Variants in WHAMM observed in about 807,000 individuals in gnomAD.
WHAMM encodes the protein WASP homolog-associated protein with actin, membranes and microtubules.
In WHAMM, 67 loss-of-function variants were observed where a neutral mutation model predicts 76.5. That is an observed-to-expected ratio of 0.88 (90% CI 0.72 to 1.07). The LOEUF (loss-of-function observed/expected upper bound fraction) is 1.07. Among genes scored for constraint, WHAMM ranks in the 50% least tolerant of loss-of-function variants. The pLI, the probability that WHAMM is intolerant of heterozygous loss-of-function variation, is 0.00. For missense variants in WHAMM, 1,021 were observed against 1,051.1 expected (o/e 0.97, Z 0.40); for synonymous variants, 419 against 422.1 (o/e 0.99, Z 0.09).
At chr15:82,812,455 C>T (rs1043042129) in intron 1 of WHAMM, among the ~76,000 whole-genome samples, 1 of 152,168 alleles carries the variant, frequency 6.6e-6, no homozygotes. Context: ...GTCTCGATCT[C>T]CTGACCTCGT....
In WHAMM at chr15:82,824,162, C is replaced by CTTTTTTTTTTTTTTTTTTTTTTTTT. The variant is rs71156055; in HGVS notation, c.1458+888_1458+889insTTTTTTTTTTTTTTTTTTTTTTTTT. ...TACTCATATTTACTATACTTTTCTC[C>CTTTTTTTTTTTTTTTTTTTTTTTTT]TTTTTTTTTTTTTGAAACAGAGTCT... On this transcript the variant is annotated intron_variant, in intron 6 of 9. Transcript: ENST00000286760. Among the ~76,000 whole-genome samples, 10 of 118,076 alleles carry CTTTTTTTTTTTTTTTTTTTTTTTTT rather than the reference C, an allele frequency of 8.5e-5. 1 individual carries two copies. The highest frequency in any genetic ancestry group is 1.2e-4 in the Non-Finnish European group (7 of 57,584). 77.5% of individuals were successfully genotyped at this position (118,076 alleles called of 152,430 possible).
chr15:82,810,276 G>A lies in WHAMM; in HGVS notation c.550G>A (p.Glu184Lys). ...CGCGGCCGACTGCGAAAGCCCGCGC[G>A]AGTTCCGGGAGCGGGCCTTGCGCGC... ...GGAADCESPREFRERALRARW... is the reference protein window; with the variant it reads ...GGAADCESPRKFRERALRARW... The change falls in exon 1 of 10, where the codon GAG (glutamate) becomes AAG (lysine). Residue 184 changes from glutamate to lysine, a missense_variant. Physicochemically the swap from Glu to Lys is moderately conservative, Grantham distance 56. Transcript: ENST00000286760. The A allele has an allele frequency of 7.3e-7, 1 of 1,372,032 alleles. No homozygotes were observed. The highest frequency in any genetic ancestry group is 1.7e-5 in the South Asian group (1 of 60,080). The allele number at this position is 1,372,032 out of a possible 1,614,324, so 85.0% of individuals were successfully genotyped here.
chr15:82,809,739 C>A lies in WHAMM; in HGVS notation c.13C>A (p.Gln5Lys), dbSNP rs1259758342. ...GCTGCCGACAGCCATGGAGGACGAG[C>A]AGCCTGACAGCCTGGAGGGCTGGGT... The part of the protein sequence containing the change: MEDE[Q>K]PDSLEGWVPV... Residue 5 changes from glutamine to lysine, a missense_variant, in exon 1 of 10, where the codon CAG becomes AAG. Coordinates refer to ENST00000286760, the MANE Select transcript of WHAMM (RefSeq NM_001080435.3). 5 of 1,526,548 alleles carry A rather than the reference C, an allele frequency of 3.3e-6. No homozygotes were observed. Among genetic ancestry groups the A allele is most frequent in the Non-Finnish European group, 4.4e-6 (5 of 1,137,322 alleles). The allele number at this position is 1,526,548 out of a possible 1,614,324, so 94.6% of individuals were successfully genotyped here.
Position 82,813,070 on chromosome 15 carries a change from C to T in WHAMM, c.610-33C>T, listed in dbSNP as rs757392510. 1.9e-6 allele frequency: 3 copies of T among 1,545,460 alleles called. No individual in the cohort carries two copies. The East Asian group carries it at 6.8e-5, about 35-fold the overall frequency. ...TTGGGTATGTATTAAATATACTGTC[C>T]TGACTTGAGCTTTATTCACATTTGC... On this transcript the variant is annotated intron_variant, in intron 1 of 9. Coordinates refer to ENST00000286760, the MANE Select transcript of WHAMM (RefSeq NM_001080435.3).
At position 82,810,321 on chromosome 15, in the gene WHAMM, G is replaced by T; in HGVS notation, c.595G>T (p.Ala199Ser). The T allele has an allele frequency of 7.6e-7, 1 of 1,312,428 alleles. No individual in the cohort carries two copies. Among genetic ancestry groups the T allele is most frequent in the Non-Finnish European group, 9.6e-7 (1 of 1,036,830 alleles). 81.3% of individuals were successfully genotyped at this position (1,312,428 alleles called of 1,614,324 possible). A position where few individuals can be genotyped will look rare whatever the true frequency, so the allele number is the denominator to read the frequency against. ...GCGCGCGCGGTGGGTCGAGGCGGAC[G>T]CGCGGCTGCGCCAGGTAAGCGAGGC... ...ALRARWVEAD[A>S]RLRQVIQGHG... Residue 199 changes from alanine to serine, a missense_variant, in exon 1 of 10, where the codon GCG becomes TCG. Physicochemically the swap from Ala to Ser is moderately conservative, Grantham distance 99. Around this residue, in one of 3 missense-constraint regions of WHAMM, gnomAD observed 501 missense variants for 524.9 expected, o/e 0.95. Transcript: ENST00000286760.
chr15:82,830,713 A>G lies in WHAMM; in HGVS notation c.1756A>G (p.Ile586Val), dbSNP rs780589835. 6 of 1,613,814 alleles carry G rather than the reference A, an allele frequency of 3.7e-6. No individual in the cohort carries two copies. The highest frequency in any genetic ancestry group is 1.7e-5 in the Admixed American group (1 of 60,002). The change falls in exon 9 of 10, where the codon ATT (isoleucine) becomes GTT (valine). Residue 586 changes from isoleucine (I) to valine (V), a missense_variant. By Grantham distance (29) the Ile-to-Val change is conservative. This residue lies in a region of WHAMM where 509 missense variants were observed against 492.3 expected (regional missense o/e 1.03). Transcript: ENST00000286760. ...GCCAGCTTCCCACGCGGTGTCAGTA[A>G]TTCACCCGTCCTCTAGGAAAACTAG... ...CLPASHAVSVIHPSSRKTRGV... is the reference protein window; with the variant it reads ...CLPASHAVSVVHPSSRKTRGV...
chr15:82,826,258 G>A, intron 6 of WHAMM, 152 bp from the exon 7 acceptor site: 3 of 681,690 alleles, frequency 4.4e-6, no homozygotes, highest in Non-Finnish European at 7.5e-6. Flanking sequence ...ATCATAGACT[G>A]CGGAGGAGAC....
chr15:82,830,735 CTA>C lies in WHAMM; in HGVS notation c.1779_1780del (p.Gly595CysfsTer8). On this transcript the variant is annotated frameshift_variant, in exon 9 of 10. Transcript: ENST00000286760. LOFTEE classifies it high-confidence loss of function. The stretch of plus-strand genomic sequence containing the variant: ...GTAATTCACCCGTCCTCTAGGAAAA[CTA>C]GAGGTGTTCCCCTATCGGAAGCTGG... 1 of 1,614,018 alleles carries C rather than the reference CTA, an allele frequency of 6.2e-7. No homozygotes were observed. Among genetic ancestry groups the C allele is most frequent in the Middle Eastern group, 1.6e-4 (1 of 6,062 alleles).
chr15:82,809,802 C>T lies in WHAMM; in HGVS notation c.76C>T (p.His26Tyr). The change falls in exon 1 of 10, where the codon CAC (histidine) becomes TAC (tyrosine). Residue 26 changes from histidine (H) to tyrosine (Y), a missense_variant. Transcript: ENST00000286760. ...REGLFAEPER[H>Y]RLRFLVAWNG... ...GGGCCTCTTCGCCGAGCCCGAGAGG[C>T]ACCGGCTGCGCTTCCTGGTGGCCTG... 4.4e-6 allele frequency: 7 copies of T among 1,602,278 alleles called. No individual in the cohort carries two copies. The highest frequency in any genetic ancestry group is 6.0e-6 in the Non-Finnish European group (7 of 1,175,138).
rs9635453 is a variant in WHAMM, at chr15:82,812,232, T to G, written c.610-871T>G. Among the ~76,000 whole-genome samples the G allele has an allele frequency of 0.011, 1,658 of 152,332 alleles. 68 individuals are homozygous for G. In the East Asian group the frequency reaches 0.13, roughly 12 times the overall value. On this transcript the variant is annotated intron_variant, in intron 1 of 9. Transcript: ENST00000286760. Reference sequence around the variant, plus strand: ...CTGTAATGTTTTATGAGGTCTTTTTTTAAAATTTTTTTCGAGATGGAGTCT... The same window carrying G: ...CTGTAATGTTTTATGAGGTCTTTTTGTAAAATTTTTTTCGAGATGGAGTCT...
intron 3 of WHAMM, among the ~76,000 whole-genome samples, chr15:82,817,220 G>C (rs2050741334): frequency 6.6e-6 from 1 of 152,176 alleles, no homozygotes; most frequent in Non-Finnish European, 1.5e-5. Flanking sequence ...ATTCCGGGCA[G>C]AAGGAATAGC....
chr15:82,816,713 C>G lies in WHAMM; in HGVS notation c.805C>G (p.Leu269Val). The change falls in exon 3 of 10, where the codon CTA (leucine) becomes GTA (valine). Residue 269 changes from leucine to valine, a missense_variant. Physicochemically the swap from Leu to Val is conservative, Grantham distance 32. This residue lies in a region of WHAMM where 501 missense variants were observed against 524.9 expected (regional missense o/e 0.95). Coordinates refer to ENST00000286760, the MANE Select transcript of WHAMM (RefSeq NM_001080435.3). ...GTAGAAGTCTTTGGATGAGGATGAC[C>G]TAGGTCCTAGAAGGGTAGTTGCCCT... is the stretch of plus-strand genomic sequence containing the variant. ...DILKSLDEDDLGPRRVVALEK... is the reference protein window; with the variant it reads ...DILKSLDEDDVGPRRVVALEK... 6.4e-7 allele frequency: 1 copy of G among 1,556,340 alleles called. No individual in the cohort carries two copies. Among genetic ancestry groups the G allele is most frequent in the Non-Finnish European group, 8.7e-7 (1 of 1,148,976 alleles).
At chr15:82,831,143 T>A in intron 9 of WHAMM, 64 bp downstream of exon 9, 1 of 1,537,658 alleles carries the variant, frequency 6.5e-7, no homozygotes, top group East Asian at 2.3e-5. Context: ...CATTCTAGCT[T>A]CAGAAGCCAT....
chr15:82,822,259 A>G (rs1436954142), intron 5 of WHAMM, among the ~76,000 whole-genome samples: 1 of 152,202 alleles, frequency 6.6e-6, no homozygotes, highest in African/African-American at 2.4e-5. Context: ...CAATTTGTCA[A>G]TGGGTATCAA....
chr15:82,810,548 A>C, intron 1 of WHAMM: 1 of 985,470 alleles, frequency 1.0e-6, no homozygotes, highest in Non-Finnish European at 1.2e-6. Flanking sequence ...GGACAAGCGA[A>C]GTTAGAGCCT....
At chr15:82,829,638 A>G (rs2050994313) in intron 8 of WHAMM, among the ~76,000 whole-genome samples, 1 of 151,156 alleles carries the variant, frequency 6.6e-6, no homozygotes, top group Non-Finnish European at 1.5e-5. Flanking sequence ...ATACTCCTTG[A>G]GTTTATCGTG....
intron 8 of WHAMM, among the ~76,000 whole-genome samples, chr15:82,828,453 G>T (rs2050973264): frequency 6.6e-6 from 1 of 152,132 alleles, no homozygotes; most frequent in Admixed American, 6.5e-5. Flanking sequence ...AATTGAAGGA[G>T]CTGCATGAAT....
rs1197115176 is a variant in WHAMM at position 82,810,297 on chromosome 15, C to T, written c.571C>T (p.Arg191Cys). Reference protein sequence around the residue: ...SPREFRERALRARWVEADARL... With the variant: ...SPREFRERALCARWVEADARL... ...GCGCGAGTTCCGGGAGCGGGCCTTG[C>T]GCGCGCGGTGGGTCGAGGCGGACGC... The change falls in exon 1 of 10, where the codon CGC becomes TGC. Residue 191 changes from arginine to cysteine, a missense_variant. Arg to Cys is a radical substitution (Grantham distance 180, BLOSUM62 -3). Transcript: ENST00000286760. 1 of 1,344,058 alleles carries T rather than the reference C, an allele frequency of 7.4e-7. No homozygotes were observed. The highest frequency in any genetic ancestry group is 9.5e-7 in the Non-Finnish European group (1 of 1,053,618). The allele number at this position is 1,344,058 out of a possible 1,614,324, so 83.3% of individuals were successfully genotyped here. A position where few individuals can be genotyped will look rare whatever the true frequency, so the allele number is the denominator to read the frequency against.
chr15:82,817,892 A>G, intron 3 of WHAMM, 28 bp from the exon 4 acceptor site: 1 of 1,484,106 alleles, frequency 6.7e-7, no homozygotes, highest in South Asian at 1.3e-5. Context: ...ATGAGGTGTA[A>G]TTATATTTTA....
Sources: allele counts gnomAD v4.1 joint callset (sites outside exome capture counted in the v4.1 genomes callset), GRCh38; gene constraint gnomAD v4.1.1; regional missense constraint gnomAD v4.1.1; transcripts MANE v1.5; gene names NCBI Gene and HGNC (gene_info 2026-07-23, HGNC 2026-07-21).